EML4: variants seen among roughly 807,000 people sequenced by gnomAD.
EML4 encodes the protein echinoderm microtubule-associated protein-like 4.
A neutral mutation model predicts 129.0 loss-of-function variants in EML4; 72 were observed. The observed-to-expected ratio is 0.56, with a 90% CI of 0.46 to 0.68. The LOEUF (loss-of-function observed/expected upper bound fraction) is 0.68, where lower values mean the gene tolerates loss of function less well. Among genes scored for constraint, EML4 ranks in the 30% least tolerant of loss-of-function variants. The pLI is 0.00. For synonymous variants in EML4, 532 were observed against 405.0 expected, an observed-to-expected ratio of 1.31 and a Z score of -3.77; for missense variants, 1,363 against 1,190.6, an observed-to-expected ratio of 1.14 and a Z score of -2.13.
intron 1 of EML4, among the ~76,000 whole-genome samples, chr2:42,200,564 T>C (rs973448615): frequency 6.6e-6 from 1 of 152,226 alleles, no homozygotes; most frequent in Non-Finnish European, 1.5e-5. Flanking sequence ...TCAAAAGCTC[T>C]CTTTTTGGCT....
At chr2:42,280,735 A>G (rs1666957236) in intron 6 of EML4, 115 bp from the exon 7 acceptor site, 3 of 768,068 alleles carry the variant, frequency 3.9e-6, no homozygotes, top group Non-Finnish European at 6.1e-6. Flanking sequence ...TAATGAGACT[A>G]AAACTTTGAA....
At position 42,209,861 on chromosome 2, in the gene EML4, G is replaced by A. The variant is rs187847940; in HGVS notation, c.26-35644G>A. Reference sequence around the variant, plus strand: ...GGAGAATTGCTTGAACCCAGGAGGCGGAGATTGCAGGGAGCCAAGATCATG... The same window carrying A: ...GGAGAATTGCTTGAACCCAGGAGGCAGAGATTGCAGGGAGCCAAGATCATG... On this transcript the variant is annotated intron_variant, in intron 1 of 22. Coordinates refer to ENST00000318522, the MANE Select transcript of EML4 (RefSeq NM_019063.5). Among the ~76,000 whole-genome samples, 353 of 152,152 alleles carry A rather than the reference G, an allele frequency of 2.3e-3. 2 individuals carry two copies. The highest frequency in any genetic ancestry group is 4.4e-3 in the South Asian group (21 of 4,820).
At chr2:42,293,841 C>T (rs1441079933) in intron 11 of EML4, among the ~76,000 whole-genome samples, 3 of 152,160 alleles carry the variant, frequency 2.0e-5, no homozygotes, top group South Asian at 2.1e-4. Context: ...GAACTCCTGA[C>T]GTCGTGATCC....
intron 10 of EML4, 97 bp from the exon 11 acceptor site, chr2:42,288,130 A>G (rs1272024187): frequency 3.7e-6 from 2 of 538,270 alleles, no homozygotes; most frequent in East Asian, 5.9e-5. Flanking sequence ...ATTTTGGGTT[A>G]TCTTACTATT....
intron 1 of EML4, among the ~76,000 whole-genome samples, chr2:42,182,169 T>G (rs1444564018): frequency 1.3e-5 from 2 of 151,344 alleles, no homozygotes; most frequent in African/African-American, 4.9e-5. Context: ...TTTTTTTTTT[T>G]TATTATACTT....
chr2:42,257,779 G>T (rs1665433539), intron 3 of EML4, among the ~76,000 whole-genome samples: 1 of 151,206 alleles, frequency 6.6e-6, no homozygotes, highest in African/African-American at 2.4e-5. Context: ...GGAGCTTGCA[G>T]TGAGCCACGA....
intron 10 of EML4, among the ~76,000 whole-genome samples, chr2:42,287,478 T>C (rs1667374111): frequency 6.6e-6 from 1 of 152,174 alleles, no homozygotes; most frequent in Admixed American, 6.5e-5. Context: ...GGCTAAGAGA[T>C]AAAGAGGAGA....
In EML4 at chr2:42,286,373, A is replaced by G; in HGVS notation, c.1116A>G (p.Ser372=). The change falls in exon 10 of 23, where the codon TCA becomes TCG. Residue 372 remains serine, a synonymous_variant. Coordinates refer to ENST00000318522, the MANE Select transcript of EML4 (RefSeq NM_019063.5). ...GTGGAGTAGGATGCCTGGATTTTTC[A>G]AAAGCAGTAAGTAACAATTTTTAGA... The part of the protein sequence containing the change: ...FERGVGCLDF[S]KADSGVHLCI... 6.3e-7 allele frequency: 1 copy of G among 1,597,946 alleles called. No individual in the cohort carries two copies. Among genetic ancestry groups the G allele is most frequent in the Non-Finnish European group, 8.6e-7 (1 of 1,165,286 alleles).
At chr2:42,290,311 T>C (rs948267554) in intron 11 of EML4, among the ~76,000 whole-genome samples, 1 of 152,098 alleles carries the variant, frequency 6.6e-6, no homozygotes, top group Non-Finnish European at 1.5e-5. Flanking sequence ...GTCACAAGGA[T>C]TTGGGGAGTT....
At chr2:42,231,584 T>G (rs141803869) in intron 1 of EML4, among the ~76,000 whole-genome samples, 1 of 152,356 alleles carries the variant, frequency 6.6e-6, no homozygotes, top group Non-Finnish European at 1.5e-5. Flanking sequence ...GGGATCTTCC[T>G]GTACTTTTTA....
intron 1 of EML4, among the ~76,000 whole-genome samples, chr2:42,210,551 C>T (rs188310858): frequency 7.3e-4 from 111 of 152,314 alleles, no homozygotes; most frequent in African/African-American, 2.5e-3. Flanking sequence ...GCACAGCCCA[C>T]ACTTAAGAAG....
In EML4 at chr2:42,207,173, C is replaced by T. The variant is rs148305328; in HGVS notation, c.25+37537C>T. Among the ~76,000 whole-genome samples, 135 of 152,220 alleles carry T rather than the reference C, an allele frequency of 8.9e-4. 1 individual carries two copies. The highest frequency in any genetic ancestry group is 3.2e-3 in the African/African-American group (133 of 41,530). On this transcript the variant is annotated intron_variant, in intron 1 of 22. Coordinates refer to ENST00000318522, the MANE Select transcript of EML4 (RefSeq NM_019063.5). ...TTAAGTTGGATGTATAACACCTCCT[C>T]TATTTGATATTATCAGTTATCATTT...
At chr2:42,223,303 A>C (rs1673738783) in intron 1 of EML4, among the ~76,000 whole-genome samples, 1 of 152,138 alleles carries the variant, frequency 6.6e-6, no homozygotes, top group South Asian at 2.1e-4. Context: ...GATTTGTAGC[A>C]GTTCACAAAT....
At chr2:42,304,760 G>C (rs375601581) in intron 17 of EML4, among the ~76,000 whole-genome samples, 2 of 152,126 alleles carry the variant, frequency 1.3e-5, no homozygotes, top group African/African-American at 4.8e-5. Flanking sequence ...TGTGTATTCA[G>C]AATACATCAG....
chr2:42,295,227 A>G lies in EML4; in HGVS notation c.1321A>G (p.Asn441Asp), dbSNP rs1229135594. The change falls in exon 12 of 23, where the codon AAT (asparagine) becomes GAT (aspartate). Residue 441 changes from asparagine to aspartate, a missense_variant. Physicochemically the swap from Asn to Asp is conservative, Grantham distance 23 (BLOSUM62 1). Transcript: ENST00000318522. ...TATTTTCTTCTGGACCTGGAGCGGC[A>G]ATTCACTAACAAGAAAACAGGGAAT... The part of the protein sequence containing the change: ...SHIFFWTWSG[N>D]SLTRKQGIFG... 4.3e-6 allele frequency: 7 copies of G among 1,613,838 alleles called. No homozygotes were observed. Among genetic ancestry groups the G allele is most frequent in the Non-Finnish European group, 5.9e-6 (7 of 1,179,952 alleles).
intron 13 of EML4, among the ~76,000 whole-genome samples, chr2:42,297,185 AT>A (rs1668007069): frequency 6.6e-6 from 1 of 152,150 alleles, no homozygotes; most frequent in Non-Finnish European, 1.5e-5. Context: ...ACAACAATAT[AT>A]TATCAACTAC....
At chr2:42,196,692 C>T (rs1028463634) in intron 1 of EML4, among the ~76,000 whole-genome samples, 5 of 152,172 alleles carry the variant, frequency 3.3e-5, no homozygotes, top group African/African-American at 9.7e-5. Context: ...TATGCAGTAA[C>T]GTAATTTCCT....
intron 8 of EML4, among the ~76,000 whole-genome samples, chr2:42,283,432 A>AGCGGAT (rs1290457689): frequency 6.6e-6 from 1 of 152,122 alleles, no homozygotes; most frequent in African/African-American, 2.4e-5. Flanking sequence ...ATGTCATACT[A>AGCGGAT]CAAATGTGAG....
At chr2:42,282,701 G>A in intron 7 of EML4, 122 bp from the exon 8 acceptor site, 1 of 894,608 alleles carries the variant, frequency 1.1e-6, no homozygotes, top group Non-Finnish European at 1.8e-6. Flanking sequence ...CAGGACATGA[G>A]TTTTCTAGTT....
Sources: gnomAD v4.1 joint callset for allele counts (sites outside exome capture counted in the v4.1 genomes callset) on GRCh38, gnomAD v4.1.1 for gene constraint, MANE v1.5 for transcripts, NCBI Gene and HGNC (gene_info 2026-07-23, HGNC 2026-07-21) for gene names.